The following TRIM36 variants were observed in gnomAD, a reference collection of about 807,000 sequenced individuals.
The protein encoded by TRIM36 is tripartite motif containing 36.
Under a neutral mutation model 72.4 loss-of-function variants are expected in TRIM36, and 42 were observed. The ratio of observed to expected loss-of-function variants is 0.58; its 90% CI spans 0.45 to 0.75. The LOEUF is 0.75. Ranked by LOEUF, TRIM36 falls within the 30% of genes least tolerant of loss-of-function variation. TRIM36 has a pLI of 0.00. For synonymous variants in TRIM36, 315 were observed against 282.8 expected (o/e 1.11, Z -1.14); for missense variants, 913 against 857.1 (o/e 1.07, Z -0.81).
At chr5:115,129,002 C>T (rs531303190) in intron 9 of TRIM36, among the ~76,000 whole-genome samples, 7 of 151,994 alleles carry the variant, frequency 4.6e-5, no homozygotes, top group African/African-American at 1.7e-4. Flanking sequence ...AATTTTTTAT[C>T]TTTTATAACT....
chr5:115,175,432 C>T (rs1267168033), intron 1 of TRIM36, among the ~76,000 whole-genome samples: 2 of 152,292 alleles, frequency 1.3e-5, no homozygotes, highest in East Asian at 3.9e-4. Flanking sequence ...CATGTAACAA[C>T]TAAAATTCCT....
At chr5:115,161,122 C>G (rs1159015965) in intron 2 of TRIM36, among the ~76,000 whole-genome samples, 1 of 151,632 alleles carries the variant, frequency 6.6e-6, no homozygotes, top group African/African-American at 2.4e-5. Flanking sequence ...TGTGTGTGTT[C>G]GTGATAAAGG....
intron 2 of TRIM36, among the ~76,000 whole-genome samples, chr5:115,160,011 C>A (rs556267285): frequency 2.8e-4 from 42 of 149,448 alleles, no homozygotes; most frequent in African/African-American, 9.9e-4. Context: ...GACCTAATAA[C>A]TGTTAAAAAA....
intron 4 of TRIM36, among the ~76,000 whole-genome samples, chr5:115,143,207 TC>T: frequency 8.8e-6 from 1 of 113,136 alleles, no homozygotes; most frequent in African/African-American, 3.6e-5. Flanking sequence ...GAGTGCCTGT[TC>T]CCCACCAGCC....
rs1437665241 is a variant in TRIM36 at position 115,133,960 on chromosome 5, C to T, written c.1398G>A (p.Leu466=). 1 of 1,613,842 alleles carries T rather than the reference C, an allele frequency of 6.2e-7. No homozygotes were observed. Among genetic ancestry groups the T allele is most frequent in the South Asian group, 1.1e-5 (1 of 91,032 alleles). ...VCGTSKIIQD[L]ENSSTYAFRV... is the part of the protein sequence containing the mutation. ...TGAAAGCATAGGTACTACTGTTTTC[C>T]AAGTCTTGAATTATTTTACTTGTTC... The change falls in exon 8 of 10, where the codon TTG becomes TTA. Residue 466 remains leucine (L), a synonymous_variant. Coordinates refer to ENST00000513154, the MANE Select transcript of TRIM36 (RefSeq NM_001300759.2).
chr5:115,131,944 T>C (rs188320597), intron 8 of TRIM36, among the ~76,000 whole-genome samples: 12 of 152,190 alleles, frequency 7.9e-5, no homozygotes, highest in African/African-American at 2.6e-4. Flanking sequence ...GTTAAGGAGG[T>C]AAAAGTGGTG....
At chr5:115,138,705 T>C (rs1012474022) in intron 5 of TRIM36, among the ~76,000 whole-genome samples, 3 of 152,290 alleles carry the variant, frequency 2.0e-5, no homozygotes, top group African/African-American at 2.4e-5. Flanking sequence ...TTGTTAAACA[T>C]TCTGAATTCC....
intron 1 of TRIM36, among the ~76,000 whole-genome samples, chr5:115,176,226 C>T (rs1039985883): frequency 6.6e-6 from 1 of 152,202 alleles, no homozygotes; most frequent in Non-Finnish European, 1.5e-5. Flanking sequence ...ACTATCTATT[C>T]GTCCTTCTGA....
In TRIM36 at chr5:115,152,893, C is replaced by T. The variant is rs182930700; in HGVS notation, c.263-5499G>A. Among the ~76,000 whole-genome samples the T allele has an allele frequency of 2.6e-4, 39 of 152,106 alleles. 2 individuals are homozygous for T. The highest frequency in any genetic ancestry group is 2.3e-3 in the South Asian group (11 of 4,820). On this transcript the variant is annotated intron_variant, in intron 2 of 9. Coordinates refer to ENST00000513154, the MANE Select transcript of TRIM36 (RefSeq NM_001300759.2). ...TAAATCTTGAAACAAATCCTGGAAA[C>T]GCATCAAAACAGAACCTCTTTAAAG...
chr5:115,176,098 C>A (rs1392611718), intron 1 of TRIM36, among the ~76,000 whole-genome samples: 1 of 152,040 alleles, frequency 6.6e-6, no homozygotes, highest in Non-Finnish European at 1.5e-5. Flanking sequence ...TGCACGCCAG[C>A]CTGGGCAACA....
chr5:115,137,261 T>A (rs925375053), intron 6 of TRIM36, 102 bp downstream of exon 6: 1 of 1,495,910 alleles, frequency 6.7e-7, no homozygotes, highest in Non-Finnish European at 8.9e-7. Flanking sequence ...GTACCTCACA[T>A]TAACACAGCA....
chr5:115,147,487 A>G lies in TRIM36; in HGVS notation c.263-93T>C, dbSNP rs114459316. ...GTCATGTCTTAGAGACATATCTACA[A>G]ATGTATCACAAAAACAGTATCCGAA... is the stretch of plus-strand genomic sequence containing the variant. On this transcript the variant is annotated intron_variant, in intron 2 of 9. Transcript: ENST00000513154. 1,861 of 1,358,994 alleles carry G rather than the reference A, an allele frequency of 1.4e-3. 25 individuals are homozygous for G. In the African/African-American group the frequency reaches 0.02, roughly 15 times the overall value. 84.2% of individuals were successfully genotyped at this position (1,358,994 alleles called of 1,614,324 possible).
intron 7 of TRIM36, 53 bp downstream of exon 7, chr5:115,136,947 A>C (rs1752992933): frequency 6.7e-7 from 1 of 1,496,144 alleles, no homozygotes; most frequent in East Asian, 2.3e-5. Context: ...TTTCTTCCAC[A>C]CAATACAAAT....
intron 2 of TRIM36, among the ~76,000 whole-genome samples, chr5:115,160,736 T>C (rs1192681747): frequency 1.3e-5 from 2 of 152,060 alleles, no homozygotes; most frequent in African/African-American, 4.8e-5. Flanking sequence ...GTCTCCGGTA[T>C]GTAGGAGGCT....
In TRIM36 at chr5:115,137,099, T is replaced by G. The variant is rs759318836; in HGVS notation, c.1111A>C (p.Lys371Gln). The G allele has an allele frequency of 3.7e-6, 6 of 1,604,756 alleles. No homozygotes were observed. Among genetic ancestry groups the G allele is most frequent in the Non-Finnish European group, 5.1e-6 (6 of 1,177,034 alleles). ...GTCTGAGCTGCAGGTCTAAAGCTCT[T>G]CAAAGATTCTGTGGCTTTCTGTATT... ...LRIQKATESLKSFRPAAQTSF... is the reference protein window; with the variant it reads ...LRIQKATESLQSFRPAAQTSF... Residue 371 changes from lysine to glutamine, a missense_variant, in exon 7 of 10, where the codon AAG becomes CAG. Coordinates refer to ENST00000513154, the MANE Select transcript of TRIM36 (RefSeq NM_001300759.2).
chr5:115,157,349 G>A (rs949828960), intron 2 of TRIM36, among the ~76,000 whole-genome samples: 1 of 152,082 alleles, frequency 6.6e-6, no homozygotes, highest in Non-Finnish European at 1.5e-5. Flanking sequence ...GATCACCTGA[G>A]GTCAACAGTT....
At chr5:115,149,612 G>T (rs944999695) in intron 2 of TRIM36, 32 of 54,800 alleles carry the variant, frequency 5.8e-4, no homozygotes, top group East Asian at 2.0e-3. Context: ...TCCCTTTTCT[G>T]TTTACCTCTG....
chr5:115,138,079 C>T (rs556991267), intron 5 of TRIM36, among the ~76,000 whole-genome samples: 2 of 152,172 alleles, frequency 1.3e-5, no homozygotes, highest in South Asian at 2.1e-4. Flanking sequence ...ACCCTTTCTA[C>T]GCTACTCCAA....
intron 3 of TRIM36, among the ~76,000 whole-genome samples, chr5:115,145,156 G>C (rs1463144976): frequency 1.3e-5 from 2 of 152,112 alleles, no homozygotes; most frequent in Non-Finnish European, 2.9e-5. Flanking sequence ...TTTTAATGAA[G>C]TACCATAACA....
Sources: gnomAD v4.1 joint callset for allele counts (sites outside exome capture counted in the v4.1 genomes callset) on GRCh38, gnomAD v4.1.1 for gene constraint, MANE v1.5 for transcripts, NCBI Gene and HGNC (gene_info 2026-07-23, HGNC 2026-07-21) for gene names.